The following LNX2 variants were observed in gnomAD, a reference collection of about 807,000 sequenced individuals.
LNX2 encodes ligand of Numb protein X 2.
In LNX2, 35 loss-of-function variants were observed where a neutral mutation model predicts 66.2. The ratio of observed to expected loss-of-function variants is 0.53; its 90% CI spans 0.40 to 0.70. LNX2 has a LOEUF of 0.70. Among genes scored for constraint, LNX2 ranks in the 30% least tolerant of loss-of-function variants. The pLI is 0.00. For missense variants in LNX2, 791 were observed against 850.8 expected (o/e 0.93, Z 0.87); for synonymous variants, 337 against 315.6 (o/e 1.07, Z -0.72).
chr13:27,575,438 T>A (rs1955331985), intron 2 of LNX2, among the ~76,000 whole-genome samples: 1 of 152,196 alleles, frequency 6.6e-6, no homozygotes, highest in South Asian at 2.1e-4. Context: ...ATAAAGTAGA[T>A]TGCCCTCCCC....
chr13:27,581,202 T>TG lies in LNX2; in HGVS notation c.407+94dup, dbSNP rs1178673208. ...CTTGATTCACCCATTTACTTACTAG[T>TG]GCTCTGGTTTGTTTTGTTTTAATCA... is the stretch of plus-strand genomic sequence containing the variant. On this transcript the variant is annotated intron_variant, in intron 2 of 9. Transcript: ENST00000316334. 2.4e-5 allele frequency: 22 copies of TG among 933,170 alleles called. No individual in the cohort carries two copies. In the East Asian group the frequency reaches 6.0e-4, roughly 25 times the overall value. The allele number at this position is 933,170 out of a possible 1,614,324, so 57.8% of individuals were successfully genotyped here.
intron 2 of LNX2, among the ~76,000 whole-genome samples, chr13:27,570,042 C>T (rs7985969): frequency 0.11 from 16,698 of 152,148 alleles, 1,074 homozygotes; most frequent in East Asian, 0.28. Context: ...ATCAAGGAAA[C>T]ATTTAAATAA....
chr13:27,560,060 T>C, intron 5 of LNX2, 75 bp from the exon 6 acceptor site: 1 of 1,311,304 alleles, frequency 7.6e-7, no homozygotes, highest in Non-Finnish European at 1.0e-6. Flanking sequence ...ACAGTGTAAT[T>C]TTCAATGAAC....
chr13:27,616,675 C>A (rs1377196303), intron 1 of LNX2, among the ~76,000 whole-genome samples: 1 of 152,202 alleles, frequency 6.6e-6, no homozygotes, highest in African/African-American at 2.4e-5. Context: ...AGGATAGAAC[C>A]TACAACACCT....
intron 1 of LNX2, among the ~76,000 whole-genome samples, chr13:27,612,580 A>C (rs1052167989): frequency 1.3e-5 from 2 of 152,218 alleles, no homozygotes; most frequent in African/African-American, 4.8e-5. Context: ...TGTTTAAAAA[A>C]CGAAAAGAAA....
intron 1 of LNX2, among the ~76,000 whole-genome samples, chr13:27,594,252 G>A (rs1001885916): frequency 6.6e-6 from 1 of 152,038 alleles, no homozygotes; most frequent in Non-Finnish European, 1.5e-5. Context: ...ATCTTGTGAA[G>A]TGTCTGTTTA....
intron 1 of LNX2, among the ~76,000 whole-genome samples, chr13:27,609,208 A>C (rs1248741508): frequency 6.7e-6 from 1 of 148,698 alleles, no homozygotes; most frequent in Non-Finnish European, 1.5e-5. Context: ...GCTGGAGTAG[A>C]GTGGCACGAT....
chr13:27,545,992 T>C lies in LNX2; in HGVS notation c.*2343A>G, dbSNP rs1171964752. ...ACATCTGAAAAATCCTGAAATAATT[T>C]AAACTGAAGGCACAGAACAAACCAA... is the stretch of plus-strand genomic sequence containing the variant. On this transcript the variant is annotated 3_prime_UTR_variant, in exon 10 of 10. Coordinates refer to ENST00000316334, the MANE Select transcript of LNX2 (RefSeq NM_153371.4). 6.6e-6 allele frequency: 1 copy of C among 152,204 alleles called. No homozygotes were observed. The highest frequency in any genetic ancestry group is 1.5e-5 in the Non-Finnish European group (1 of 68,042). 9.4% of individuals were successfully genotyped at this position (152,204 alleles called of 1,614,324 possible). A position where few individuals can be genotyped will look rare whatever the true frequency, so the allele number is the denominator to read the frequency against.
At chr13:27,598,997 C>A (rs768093975) in intron 1 of LNX2, among the ~76,000 whole-genome samples, 1 of 152,098 alleles carries the variant, frequency 6.6e-6, no homozygotes, top group Non-Finnish European at 1.5e-5. Context: ...TTCCACAATT[C>A]TGTATTTTCA....
chr13:27,580,051 GTTT>G (rs373688452), intron 2 of LNX2, among the ~76,000 whole-genome samples: 1 of 151,742 alleles, frequency 6.6e-6, no homozygotes, highest in Admixed American at 6.6e-5. Context: ...TAACATCTTT[GTTT>G]TTTTCATTGT....
intron 1 of LNX2, among the ~76,000 whole-genome samples, chr13:27,587,039 A>T (rs912816445): frequency 2.4e-4 from 37 of 152,144 alleles, no homozygotes; most frequent in African/African-American, 8.7e-4. Flanking sequence ...TATTCAGTTC[A>T]TTTCTCTCGA....
At chr13:27,583,393 G>T (rs1479608156) in intron 1 of LNX2, among the ~76,000 whole-genome samples, 5 of 152,060 alleles carry the variant, frequency 3.3e-5, no homozygotes, top group Non-Finnish European at 4.4e-5. Flanking sequence ...GAGCAGCTGG[G>T]ATTACAGATG....
At chr13:27,612,407 GA>G (rs1384693041) in intron 1 of LNX2, among the ~76,000 whole-genome samples, 1 of 152,148 alleles carries the variant, frequency 6.6e-6, no homozygotes, top group Non-Finnish European at 1.5e-5. Context: ...TACTCAGCCA[GA>G]TATCTGTTTA....
chr13:27,605,683 C>A (rs1250836075), intron 1 of LNX2, among the ~76,000 whole-genome samples: 1 of 152,124 alleles, frequency 6.6e-6, no homozygotes, highest in South Asian at 2.1e-4. Context: ...TGAAAAATAT[C>A]GACCTTACAG....
chr13:27,604,091 A>G (rs1295941948), intron 1 of LNX2, among the ~76,000 whole-genome samples: 1 of 152,124 alleles, frequency 6.6e-6, no homozygotes, highest in Non-Finnish European at 1.5e-5. Context: ...TGTCTCTACT[A>G]AAAATACAAA....
At chr13:27,620,564 T>C (rs948967397), upstream of LNX2, among the ~76,000 whole-genome samples, 1 of 151,982 alleles carries the variant, frequency 6.6e-6, no homozygotes, top group Non-Finnish European at 1.5e-5. Context: ...ACTTCACTTC[T>C]CAACCGCCCC....
At chr13:27,565,546 G>T (rs1319983459) in intron 4 of LNX2, among the ~76,000 whole-genome samples, 1 of 152,070 alleles carries the variant, frequency 6.6e-6, no homozygotes, top group East Asian at 1.9e-4. Context: ...TAATACAAGG[G>T]GTCCTACAAG....
rs34922531 is a variant in LNX2 at position 27,609,148 on chromosome 13, AT to A, written c.-101+11226del. On this transcript the variant is annotated intron_variant, in intron 1 of 9. Coordinates refer to ENST00000316334, the MANE Select transcript of LNX2 (RefSeq NM_153371.4). The stretch of plus-strand genomic sequence containing the variant: ...CAAAAGGTTCAAATAACCAACAGTG[AT>A]TTTTTTTTTCTTTTTTTTTAAGAGA... Among the ~76,000 whole-genome samples, 7 of 56,524 alleles carry A rather than the reference AT, an allele frequency of 1.2e-4. No individual in the cohort carries two copies. In the South Asian group the frequency reaches 2.7e-3, roughly 22 times the overall value. The allele number at this position is 56,524 out of a possible 152,430, so 37.1% of individuals were successfully genotyped here.
rs1329465505 is a variant in LNX2 at position 27,546,916 on chromosome 13, T to C, written c.*1419A>G. ...GGGCTAGTCATAATTTTCAAAAACA[T>C]TTCAAAAAATATGAAATAGTCTAGT... On this transcript the variant is annotated 3_prime_UTR_variant, in exon 10 of 10. Transcript: ENST00000316334. The C allele has an allele frequency of 6.6e-6, 1 of 152,152 alleles. No individual in the cohort carries two copies. The highest frequency in any genetic ancestry group is 1.5e-5 in the Non-Finnish European group (1 of 67,984). The allele number at this position is 152,152 out of a possible 1,614,324, so 9.4% of individuals were successfully genotyped here.
Sources: gnomAD v4.1 joint callset for allele counts (sites outside exome capture counted in the v4.1 genomes callset) on GRCh38, gnomAD v4.1.1 for gene constraint, MANE v1.5 for transcripts, NCBI Gene and HGNC (gene_info 2026-07-23, HGNC 2026-07-21) for gene names.